Variants in DOCK11 observed in about 807,000 individuals in gnomAD.
DOCK11 encodes the protein dedicator of cytokinesis 11.
DOCK11 carries 70 observed loss-of-function variants against 169.1 expected under a neutral mutation model. That is an observed-to-expected ratio of 0.41 (90% CI 0.34 to 0.51). DOCK11 has a LOEUF of 0.51. Ranked by LOEUF, DOCK11 falls within the 20% of genes least tolerant of loss-of-function variation. DOCK11 has a pLI of 0.10. For missense variants in DOCK11, 1,166 were observed against 1,538.8 expected, an observed-to-expected ratio of 0.76 and a Z score of 4.05; for synonymous variants, 529 against 541.3, an observed-to-expected ratio of 0.98 and a Z score of 0.32.
At chrX:118,511,102 A>G (rs766572702) in intron 1 of DOCK11, among the ~76,000 whole-genome samples, 123 of 111,687 alleles carry the variant, frequency 1.1e-3, no homozygotes, top group Non-Finnish European at 2.0e-3. Context: ...TGCATTTCCT[A>G]TTTTTACCTT....
chrX:118,563,643 G>C (rs975730246), intron 7 of DOCK11, among the ~76,000 whole-genome samples: 1 of 107,571 alleles, frequency 9.3e-6, no homozygotes, highest in Admixed American at 1.0e-4. Context: ...CACAATTTCC[G>C]GATTGACCTT....
intron 1 of DOCK11, among the ~76,000 whole-genome samples, chrX:118,523,345 C>T (rs1269684590): frequency 8.9e-6 from 1 of 112,225 alleles, no homozygotes; most frequent in Non-Finnish European, 1.9e-5. Context: ...GGAGACCTTT[C>T]TAGAAATATC....
intron 1 of DOCK11, among the ~76,000 whole-genome samples, chrX:118,497,471 T>C (rs2057545452): frequency 8.9e-6 from 1 of 112,407 alleles, no homozygotes; most frequent in Admixed American, 9.4e-5. Context: ...TTATTGTGGC[T>C]AGACCCTTGA....
At chrX:118,657,873 ACT>A (rs2016115601) in intron 44 of DOCK11, among the ~76,000 whole-genome samples, 3 of 110,154 alleles carry the variant, frequency 2.7e-5, no homozygotes, top group Non-Finnish European at 5.6e-5. Context: ...CACATTGGGT[ACT>A]GCTCGGGTGA....
intron 42 of DOCK11, among the ~76,000 whole-genome samples, chrX:118,652,875 T>C (rs2015979208): frequency 8.9e-6 from 1 of 112,369 alleles, no homozygotes; most frequent in African/African-American, 3.2e-5. Context: ...TAAAAGCTCA[T>C]AGTCACAGCA....
intron 24 of DOCK11, among the ~76,000 whole-genome samples, chrX:118,607,262 G>A (rs1376012108): frequency 7.7e-5 from 7 of 90,446 alleles, no homozygotes; most frequent in Admixed American, 2.5e-4. Context: ...GATTACAGGC[G>A]CCCACCACCA....
At chrX:118,610,074 T>G (rs900216203) in intron 27 of DOCK11, among the ~76,000 whole-genome samples, 198 bp from the exon 28 acceptor site, 3 of 112,132 alleles carry the variant, frequency 2.7e-5, no homozygotes, top group African/African-American at 9.7e-5. Flanking sequence ...TCAGGTAGAT[T>G]ATTAGAGATC....
rs962001090 is a variant in DOCK11, at chrX:118,574,012, A to G, written c.1383A>G (p.Ile461Met). 6 of 1,205,397 alleles carry G rather than the reference A, an allele frequency of 5.0e-6. No individual in the cohort carries two copies. The Admixed American group carries it at 6.6e-5, about 13-fold the overall frequency. The change falls in exon 12 of 53, where the codon ATA becomes ATG. Residue 461 changes from isoleucine (I) to methionine (M), a missense_variant. By Grantham distance (10) the Ile-to-Met change is conservative. Coordinates refer to ENST00000276202, the MANE Select transcript of DOCK11 (RefSeq NM_144658.4). ...TTGCCGAATCTCAGTTACGCTACATACAACAGGTAACGAATGACCTTTAGT... is the reference window on the plus strand; with the variant it reads ...TTGCCGAATCTCAGTTACGCTACATGCAACAGGTAACGAATGACCTTTAGT... Reference protein sequence around the residue: ...HGIAESQLRYIQQGIFSVTNP... With the variant: ...HGIAESQLRYMQQGIFSVTNP...
intron 35 of DOCK11, chrX:118,633,769 C>G (rs1272257185): frequency 1.8e-5 from 2 of 112,681 alleles, no homozygotes; most frequent in African/African-American, 6.4e-5. Flanking sequence ...CTTGTGCAGG[C>G]TCCCTGACTG....
chrX:118,610,227 G>A, intron 27 of DOCK11, 45 bp from the exon 28 acceptor site: 2 of 1,187,562 alleles, frequency 1.7e-6, no homozygotes, highest in Non-Finnish European at 2.3e-6. Flanking sequence ...AATTGATTTA[G>A]ACCTTTTGGA....
In DOCK11 at chrX:118,683,062, T is replaced by C. The variant is rs1460810830; in HGVS notation, c.5964-17T>C. 3 of 1,192,068 alleles carry C rather than the reference T, an allele frequency of 2.5e-6. No homozygotes were observed. Among genetic ancestry groups the C allele is most frequent in the Non-Finnish European group, 2.3e-6 (2 of 886,174 alleles). On this transcript the variant is annotated splice_polypyrimidine_tract_variant and intron_variant, in intron 51 of 52. Coordinates refer to ENST00000276202, the MANE Select transcript of DOCK11 (RefSeq NM_144658.4). ...AGAATAAATAACAAGACCTTTATCT[T>C]TGATATTCATCCACAGGAAATTTAT... is the stretch of plus-strand genomic sequence containing the variant.
At position 118,636,432 on chromosome X, in the gene DOCK11, C is replaced by T. The variant is rs1254686876; in HGVS notation, c.3953+20C>T. 1 of 863,711 alleles carries T rather than the reference C, an allele frequency of 1.2e-6. No individual in the cohort carries two copies. The highest frequency in any genetic ancestry group is 1.6e-6 in the Non-Finnish European group (1 of 627,079). 71.2% of individuals were successfully genotyped at this position (863,711 alleles called of 1,213,427 possible). On this transcript the variant is annotated intron_variant, in intron 36 of 52. Transcript: ENST00000276202. ...TTTAGAGTAAGTTATATTAATTTAT[C>T]TTCATATACTTTCCCCTTATTTGGG... is the stretch of plus-strand genomic sequence containing the variant.
chrX:118,665,766 T>C (rs1022504947), intron 45 of DOCK11, among the ~76,000 whole-genome samples: 12 of 112,205 alleles, frequency 1.1e-4, no homozygotes, highest in Non-Finnish European at 2.3e-4. Context: ...AGAAGTTACA[T>C]TGAAATGAAA....
intron 1 of DOCK11, among the ~76,000 whole-genome samples, chrX:118,503,460 G>C (rs1008799042): frequency 8.9e-6 from 1 of 112,103 alleles, no homozygotes; most frequent in Non-Finnish European, 1.9e-5. Flanking sequence ...ATTCTTAAAA[G>C]GGAAGGAGAA....
rs372767790 is a variant in DOCK11 at position 118,585,020 on chromosome X, ATAT to A, written c.1719-13_1719-11del. On this transcript the variant is annotated intron_variant, in intron 15 of 52. Transcript: ENST00000276202. ...CAGTAATCATAATTTTAACTCTAAA[ATAT>A]TATTATTTTATACCCAGGCCAGAAA... The A allele has an allele frequency of 1.6e-4, 194 of 1,192,630 alleles. No individual in the cohort carries two copies. The African/African-American group carries it at 2.6e-3, about 16-fold the overall frequency.
At chrX:118,591,483 C>T (rs1369391237) in intron 19 of DOCK11, among the ~76,000 whole-genome samples, 3 of 110,008 alleles carry the variant, frequency 2.7e-5, no homozygotes, top group Non-Finnish European at 5.7e-5. Context: ...ATCTCTGTAA[C>T]CAACATCAGT....
intron 12 of DOCK11, among the ~76,000 whole-genome samples, chrX:118,576,877 G>A (rs944658731): frequency 1.8e-5 from 2 of 112,016 alleles, no homozygotes; most frequent in African/African-American, 3.2e-5. Context: ...CAATCCTCCC[G>A]CCTCAGCCTC....
rs1474694139 is a variant in DOCK11, at chrX:118,685,734, T to A, written c.6149T>A (p.Leu2050Ter). 8.3e-7 allele frequency: 1 copy of A among 1,210,701 alleles called. No individual in the cohort carries two copies. Among genetic ancestry groups the A allele is most frequent in the Non-Finnish European group, 1.1e-6 (1 of 894,478 alleles). ...CATTCTCCCTGGATGAGCAACACAT[T>A]ACATGTATTTTGTGCAATTAGTGGT... is the stretch of plus-strand genomic sequence containing the variant. ...TMHSPWMSNT[L>*]HVFCAISGTS... The change falls in exon 53 of 53, where the codon TTA becomes TAA. Residue 2050 changes from leucine (L) to a stop codon, truncating the protein, a stop_gained. Transcript: ENST00000276202. LOFTEE classifies it high-confidence loss of function.
rs755060885 is a variant in DOCK11 at position 118,588,463 on chromosome X, C to A, written c.2031C>A (p.Asp677Glu). ...CVEFRDSDESDASALKCIYGK... is the reference protein window; with the variant it reads ...CVEFRDSDESEASALKCIYGK... ...AATTCCGGGATTCAGATGAAAGTGACGCTAGTGCCCTAAAGGTTTGTTTAT... is the reference window on the plus strand; with the variant it reads ...AATTCCGGGATTCAGATGAAAGTGAAGCTAGTGCCCTAAAGGTTTGTTTAT... The change falls in exon 18 of 53, where the codon GAC becomes GAA. Residue 677 changes from aspartate (D) to glutamate (E), a missense_variant. Asp to Glu is a conservative substitution (Grantham distance 45, BLOSUM62 2). Coordinates refer to ENST00000276202, the MANE Select transcript of DOCK11 (RefSeq NM_144658.4). The A allele has an allele frequency of 6.7e-6, 8 of 1,185,458 alleles. No individual in the cohort carries two copies. Among genetic ancestry groups the A allele is most frequent in the Non-Finnish European group, 9.1e-6 (8 of 883,208 alleles).
Sources: allele counts gnomAD v4.1 joint callset (sites outside exome capture counted in the v4.1 genomes callset), GRCh38; gene constraint gnomAD v4.1.1; transcripts MANE v1.5; gene names NCBI Gene and HGNC (gene_info 2026-07-23, HGNC 2026-07-21).